Variants in RYR2 observed in about 807,000 individuals in gnomAD.
The protein encoded by RYR2 is cardiac muscle ryanodine receptor-calcium release channel.
In RYR2, 227 loss-of-function variants were observed where a neutral mutation model predicts 601.1. The ratio of observed to expected loss-of-function variants is 0.38; its 90% CI spans 0.34 to 0.42. The LOEUF (loss-of-function observed/expected upper bound fraction) is 0.42. Ranked by LOEUF, RYR2 falls within the 10% of genes least tolerant of loss-of-function variation. The probability of loss-of-function intolerance (pLI) is 1.00; values close to 1 mark genes in which losing one functional copy is unlikely to be tolerated. For synonymous variants in RYR2, 2,223 were observed against 2,175.1 expected (o/e 1.02, Z -0.61); for missense variants, 4,646 against 6,156.5 (o/e 0.75, Z 8.21).
intron 1 of RYR2, among the ~76,000 whole-genome samples, chr1:237,230,927 C>CAAAAAA (rs34596432): frequency 4.6e-4 from 49 of 105,854 alleles, no homozygotes; most frequent in African/African-American, 1.6e-3. Context: ...AGACTCGTCT[C>CAAAAAA]AAAAAAAAAA....
intron 3 of RYR2, among the ~76,000 whole-genome samples, chr1:237,355,341 T>C (rs1451766597): frequency 6.6e-6 from 1 of 152,172 alleles, no homozygotes; most frequent in African/African-American, 2.4e-5. Flanking sequence ...TTGTTTGTTC[T>C]GTTTACAGTG....
At chr1:237,580,514 A>G (rs553524983) in intron 29 of RYR2, among the ~76,000 whole-genome samples, 14 of 151,670 alleles carry the variant, frequency 9.2e-5, no homozygotes, top group African/African-American at 3.1e-4. Context: ...TAATGAAATG[A>G]ATTTCCCATA....
intron 1 of RYR2, among the ~76,000 whole-genome samples, chr1:237,154,014 G>A (rs1296086578): frequency 6.6e-6 from 1 of 152,152 alleles, no homozygotes; most frequent in African/African-American, 2.4e-5. Context: ...GTCATAAATT[G>A]ATAAGTGCAA....
chr1:237,443,328 G>T (rs1572352866), intron 13 of RYR2, among the ~76,000 whole-genome samples: 1 of 151,354 alleles, frequency 6.6e-6, no homozygotes, highest in Non-Finnish European at 1.5e-5. Context: ...CTATTTTATC[G>T]AAGTCGTAAC....
intron 44 of RYR2, 66 bp downstream of exon 44, chr1:237,635,058 T>C (rs1217811785): frequency 8.2e-7 from 1 of 1,212,288 alleles, no homozygotes; most frequent in Middle Eastern, 2.0e-4. Flanking sequence ...CTCAATATTT[T>C]AAATATAAGT....
intron 1 of RYR2, among the ~76,000 whole-genome samples, chr1:237,182,410 G>A (rs757752991): frequency 2.0e-5 from 3 of 151,928 alleles, no homozygotes; most frequent in African/African-American, 4.8e-5. Flanking sequence ...GTGAGCCACC[G>A]CACCCAGCTC....
intron 29 of RYR2, among the ~76,000 whole-genome samples, chr1:237,580,155 CTTTTT>C (rs58145628): frequency 3.4e-5 from 4 of 116,624 alleles, no homozygotes; most frequent in African/African-American, 1.3e-4. Context: ...CACAACAATT[CTTTTT>C]TTTTTTTTTT....
At chr1:237,773,772 T>G in intron 87 of RYR2, 124 bp downstream of exon 87, 2 of 726,144 alleles carry the variant, frequency 2.8e-6, no homozygotes, top group African/African-American at 1.8e-5. Context: ...TTGCTACAAT[T>G]AAAATATTAG....
rs776702428 is a variant in RYR2, at chr1:237,594,886, GTTTTTTTTTTTTTTTTTT to G, written c.4437-584_4437-567del. Among the ~76,000 whole-genome samples, 32 of 60,412 alleles carry G rather than the reference GTTTTTTTTTTTTTTTTTT, an allele frequency of 5.3e-4. 1 individual carries two copies. The highest frequency in any genetic ancestry group is 2.0e-3 in the African/African-American group (21 of 10,482). The allele number at this position is 60,412 out of a possible 152,430, so 39.6% of individuals were successfully genotyped here. ...TGGCATTTGTGGTTAATATCACTGG[GTTTTTTTTTTTTTTTTTT>G]TTTTTTTTTTTTTTTTTTTTTTTTT... On this transcript the variant is annotated intron_variant, in intron 33 of 104. Transcript: ENST00000366574.
At chr1:237,665,017 C>T (rs1684173706) in intron 56 of RYR2, among the ~76,000 whole-genome samples, 1 of 152,178 alleles carries the variant, frequency 6.6e-6, no homozygotes, top group Non-Finnish European at 1.5e-5. Context: ...TGATCCATTT[C>T]TTTGTGTCAG....
chr1:237,292,875 G>A (rs780120994), intron 2 of RYR2, among the ~76,000 whole-genome samples: 9 of 152,012 alleles, frequency 5.9e-5, no homozygotes, highest in African/African-American at 2.2e-4. Flanking sequence ...TGACCGGGCT[G>A]CACTTTGCAT....
intron 8 of RYR2, among the ~76,000 whole-genome samples, chr1:237,382,465 G>T (rs1295385568): frequency 6.6e-6 from 1 of 151,844 alleles, no homozygotes; most frequent in Non-Finnish European, 1.5e-5. Flanking sequence ...CCATGTTGGT[G>T]TGCTGCACCC....
intron 1 of RYR2, among the ~76,000 whole-genome samples, chr1:237,195,032 G>C (rs1164474823): frequency 1.3e-5 from 2 of 152,038 alleles, no homozygotes; most frequent in Non-Finnish European, 2.9e-5. Flanking sequence ...CCTGTGAATA[G>C]GTATGTTAGG....
intron 2 of RYR2, among the ~76,000 whole-genome samples, chr1:237,312,408 G>A (rs540718132): frequency 1.3e-5 from 2 of 152,296 alleles, no homozygotes; most frequent in South Asian, 2.1e-4. Flanking sequence ...TTGTGGCCAT[G>A]TACTTCAAAT....
intron 98 of RYR2, 114 bp from the exon 99 acceptor site, chr1:237,806,019 TGTGA>T (rs1660597422): frequency 1.2e-6 from 1 of 812,890 alleles, no homozygotes; most frequent in African/African-American, 1.7e-5. Context: ...AGATTCCACA[TGTGA>T]GTGAGAACAT....
At chr1:237,109,218 A>G (rs988933343) in intron 1 of RYR2, among the ~76,000 whole-genome samples, 4 of 151,536 alleles carry the variant, frequency 2.6e-5, no homozygotes, top group Admixed American at 1.3e-4. Flanking sequence ...TATAAAATAT[A>G]TGTATTTTAT....
chr1:237,678,019 A>G, intron 60 of RYR2, 29 bp from the exon 61 acceptor site: 2 of 1,402,940 alleles, frequency 1.4e-6, no homozygotes, highest in Non-Finnish European at 2.0e-6. Flanking sequence ...CCAGTGCAGC[A>G]TTTACCTAAA....
intron 2 of RYR2, among the ~76,000 whole-genome samples, chr1:237,320,676 A>G (rs1363230601): frequency 6.6e-6 from 1 of 152,202 alleles, no homozygotes; most frequent in East Asian, 1.9e-4. Context: ...AAGATTCTTC[A>G]ACCAGAAAAT....
chr1:237,151,335 C>A (rs538400972), intron 1 of RYR2, among the ~76,000 whole-genome samples: 1 of 152,222 alleles, frequency 6.6e-6, no homozygotes, highest in Non-Finnish European at 1.5e-5. Context: ...GGAATAATCA[C>A]CCTAACAGAG....
Sources: gnomAD v4.1 joint callset for allele counts (sites outside exome capture counted in the v4.1 genomes callset) on GRCh38, gnomAD v4.1.1 for gene constraint, MANE v1.5 for transcripts, NCBI Gene and HGNC (gene_info 2026-07-23, HGNC 2026-07-21) for gene names.